Variants in EHMT1 observed in about 807,000 individuals in gnomAD.
EHMT1 encodes histone-lysine N-methyltransferase EHMT1.
A neutral mutation model predicts 147.2 loss-of-function variants in EHMT1; 15 were observed. That is an observed-to-expected ratio of 0.10 (90% CI 0.07 to 0.16). The LOEUF (loss-of-function observed/expected upper bound fraction) is 0.16. Among genes scored for constraint, EHMT1 ranks in the 10% least tolerant of loss-of-function variants. EHMT1 has a pLI of 1.00. For missense variants in EHMT1, 1,587 were observed against 1,772.4 expected (o/e 0.90, Z 1.88); for synonymous variants, 795 against 709.6 (o/e 1.12, Z -1.91).
At chr9:137,804,960 C>T (rs778636995) in intron 18 of EHMT1, among the ~76,000 whole-genome samples, 7 of 151,950 alleles carry the variant, frequency 4.6e-5, no homozygotes, top group African/African-American at 1.2e-4. Flanking sequence ...TGTATGAGTC[C>T]GTCCATGTGT....
chr9:137,765,720 G>T, intron 10 of EHMT1, among the ~76,000 whole-genome samples: 1 of 118,698 alleles, frequency 8.4e-6, no homozygotes, highest in East Asian at 3.0e-4. Context: ...CGGCAGCCCC[G>T]CCCAGCAGCC....
intron 3 of EHMT1, among the ~76,000 whole-genome samples, chr9:137,724,365 A>T (rs1302788415): frequency 6.7e-6 from 1 of 148,610 alleles, no homozygotes; most frequent in Non-Finnish European, 1.5e-5. Context: ...CTGCCCTCCC[A>T]GAGCCAGGCC....
intron 1 of EHMT1, among the ~76,000 whole-genome samples, chr9:137,691,946 G>A (rs1047111992): frequency 6.6e-6 from 1 of 152,174 alleles, no homozygotes; most frequent in Non-Finnish European, 1.5e-5. Flanking sequence ...TTTAATAGAG[G>A]ACCTTTTGAG....
chr9:137,632,082 A>G (rs1843668734), intron 1 of EHMT1, among the ~76,000 whole-genome samples: 1 of 152,168 alleles, frequency 6.6e-6, no homozygotes, highest in Non-Finnish European at 1.5e-5. Context: ...CTAGATGTGT[A>G]ATAGGTTTGC....
At chr9:137,627,023 T>G (rs915339056) in intron 1 of EHMT1, among the ~76,000 whole-genome samples, 14 of 152,120 alleles carry the variant, frequency 9.2e-5, no homozygotes, top group African/African-American at 3.4e-4. Flanking sequence ...AGTGGCCCCA[T>G]CTCAGCTCAC....
chr9:137,679,593 C>T (rs1941741135), intron 1 of EHMT1, among the ~76,000 whole-genome samples: 1 of 152,082 alleles, frequency 6.6e-6, no homozygotes, highest in Non-Finnish European at 1.5e-5. Flanking sequence ...TCCTGTATGT[C>T]TGTTGGCCAT....
chr9:137,748,445 C>A (rs1948721460), intron 6 of EHMT1, among the ~76,000 whole-genome samples: 1 of 152,160 alleles, frequency 6.6e-6, no homozygotes, highest in Admixed American at 6.5e-5. Context: ...GTGGGGCCGT[C>A]CTGGAGGAGG....
intron 5 of EHMT1, among the ~76,000 whole-genome samples, 156 bp from the exon 6 acceptor site, chr9:137,743,746 G>T (rs1002199719): frequency 6.6e-6 from 1 of 152,126 alleles, no homozygotes; most frequent in Admixed American, 6.6e-5. Flanking sequence ...CCTGTCTGCC[G>T]GGCTCTTCTC....
At chr9:137,707,885 A>G (rs1202714778) in intron 1 of EHMT1, among the ~76,000 whole-genome samples, 1 of 152,142 alleles carries the variant, frequency 6.6e-6, no homozygotes, top group Non-Finnish European at 1.5e-5. Flanking sequence ...GGCTCATCTC[A>G]GGCCAGGAGA....
Position 137,709,277 on chromosome 9 carries a change from C to T in EHMT1, c.22-1690C>T, listed in dbSNP as rs115056581. Among the ~76,000 whole-genome samples the T allele has an allele frequency of 1.1e-3, 163 of 152,266 alleles. 1 individual carries two copies. Among genetic ancestry groups the T allele is most frequent in the African/African-American group, 3.8e-3 (158 of 41,530 alleles). On this transcript the variant is annotated intron_variant, in intron 1 of 26. Transcript: ENST00000460843. ...GGTGCAGGCTGAGCTGGCTGGCGTA[C>T]AGCTGTGATGGACCAGGAAAGGTAG...
At chr9:137,812,901 G>C (rs1954609631) in intron 19 of EHMT1, 105 bp from the exon 20 acceptor site, 1 of 1,469,348 alleles carries the variant, frequency 6.8e-7, no homozygotes, top group African/African-American at 1.4e-5. Flanking sequence ...ACAGTGAATA[G>C]TGTTCCCTTT....
chr9:137,710,514 T>C (rs919093646), intron 1 of EHMT1, among the ~76,000 whole-genome samples: 3 of 152,252 alleles, frequency 2.0e-5, no homozygotes, highest in African/African-American at 7.2e-5. Context: ...CATACCTCTA[T>C]AGATGCTTAA....
intron 4 of EHMT1, among the ~76,000 whole-genome samples, chr9:137,729,645 A>G (rs867937420): frequency 9.9e-5 from 15 of 152,236 alleles, no homozygotes; most frequent in African/African-American, 2.6e-4. Context: ...AAGTTGCAAA[A>G]TTCTACGAAT....
At chr9:137,742,188 G>A (rs543353725) in intron 4 of EHMT1, among the ~76,000 whole-genome samples, 3 of 152,052 alleles carry the variant, frequency 2.0e-5, no homozygotes, top group South Asian at 2.1e-4. Context: ...CAGGCCCCGC[G>A]GCGTCTGTGG....
At chr9:137,728,673 G>T (rs1243122468) in intron 4 of EHMT1, 144 bp downstream of exon 4, 10 of 1,050,760 alleles carry the variant, frequency 9.5e-6, no homozygotes, top group Non-Finnish European at 1.4e-5. Context: ...TCCTGTGCTC[G>T]CCTGTATGCC....
At chr9:137,834,741 G>C (rs1226378377) in intron 26 of EHMT1, 32 bp from the exon 27 acceptor site, 2 of 1,613,298 alleles carry the variant, frequency 1.2e-6, no homozygotes, top group Admixed American at 3.3e-5. Flanking sequence ...GGTGGGATTC[G>C]ACTTGGAGCC....
Position 137,728,458 on chromosome 9 carries a change from C to G in EHMT1, c.752C>G (p.Pro251Arg). 5 of 1,613,988 alleles carry G rather than the reference C, an allele frequency of 3.1e-6. No individual in the cohort carries two copies. Among genetic ancestry groups the G allele is most frequent in the Non-Finnish European group, 4.2e-6 (5 of 1,179,926 alleles). The change falls in exon 4 of 27, where the codon CCC becomes CGC. Residue 251 changes from proline to arginine, a missense_variant. Transcript: ENST00000460843. ...ISDFGRQQLL[P>R]PFPSLHQSLP... The stretch of plus-strand genomic sequence containing the variant: ...GACTTTGGACGACAGCAGCTTTTAC[C>G]CCCCTTCCCATCCCTTCATCAGTCG...
chr9:137,621,794 GA>G (rs915266848), intron 1 of EHMT1, among the ~76,000 whole-genome samples: 6 of 151,994 alleles, frequency 3.9e-5, no homozygotes, highest in Admixed American at 3.3e-4. Flanking sequence ...CTTCCAGCAG[GA>G]AGGCTTTCTC....
chr9:137,751,308 T>C (rs1055409528), intron 6 of EHMT1, among the ~76,000 whole-genome samples: 3 of 152,248 alleles, frequency 2.0e-5, no homozygotes, highest in African/African-American at 7.2e-5. Context: ...ATAAGAGATA[T>C]CAGAAATGGA....
Sources: gnomAD v4.1 joint callset for allele counts (sites outside exome capture counted in the v4.1 genomes callset) on GRCh38, gnomAD v4.1.1 for gene constraint, MANE v1.5 for transcripts, NCBI Gene and HGNC (gene_info 2026-07-23, HGNC 2026-07-21) for gene names.